DROSHA: variants seen among roughly 807,000 people sequenced by gnomAD.
DROSHA encodes the protein drosha ribonuclease III.
Under a neutral mutation model 181.9 loss-of-function variants are expected in DROSHA, and 56 were observed. That is an observed-to-expected ratio of 0.31 (90% CI 0.25 to 0.38). The LOEUF is 0.38. Among genes scored for constraint, DROSHA ranks in the 10% least tolerant of loss-of-function variants. The probability of loss-of-function intolerance (pLI) is 1.00; values close to 1 mark genes in which losing one functional copy is unlikely to be tolerated. For synonymous variants in DROSHA, 524 were observed against 591.2 expected, an observed-to-expected ratio of 0.89 and a Z score of 1.65; for missense variants, 1,218 against 1,743.5, an observed-to-expected ratio of 0.70 and a Z score of 5.37.
rs1739069624 is a variant in DROSHA at position 31,514,562 on chromosome 5, T to C, written c.1290+426A>G. 6.6e-6 allele frequency among the ~76,000 whole-genome samples: 1 copy of C among 152,114 alleles called. No individual in the cohort carries two copies. The highest frequency in any genetic ancestry group is 6.5e-5 in the Admixed American group (1 of 15,272). The stretch of plus-strand genomic sequence containing the variant: ...CAGGAGGCTGAAGTGGGAGAATCAC[T>C]TGAGCCTGGAAGATCAAGGCTGCAG... On this transcript the variant is annotated intron_variant, in intron 8 of 35. Transcript: ENST00000344624. The surrounding 1 kb of genome is among the most constrained non-coding windows in gnomAD (Gnocchi z 4.4).
At chr5:31,414,772 G>T (rs1416998131) in intron 30 of DROSHA, among the ~76,000 whole-genome samples, 1 of 152,122 alleles carries the variant, frequency 6.6e-6, no homozygotes, top group Non-Finnish European at 1.5e-5. Flanking sequence ...CTCTGAATTT[G>T]TTTTCAATGT....
At position 31,409,237 on chromosome 5, in the gene DROSHA, T is replaced by C. The variant is rs752710538; in HGVS notation, c.3750+13A>G. The C allele has an allele frequency of 7.5e-6, 12 of 1,599,776 alleles. No homozygotes were observed. The African/African-American group carries it at 1.5e-4, about 20-fold the overall frequency. ...TAAAGCAGACCACTAATTCAAACTTTATATGAGCTTACTTTCAATCGTGGA... is the reference window on the plus strand; with the variant it reads ...TAAAGCAGACCACTAATTCAAACTTCATATGAGCTTACTTTCAATCGTGGA... On this transcript the variant is annotated intron_variant, in intron 32 of 35. Coordinates refer to ENST00000344624, the MANE Select transcript of DROSHA (RefSeq NM_001382508.1). This position sits in a 1 kb window ranked among gnomAD's most constrained non-coding sequence, Gnocchi z 4.0.
intron 13 of DROSHA, among the ~76,000 whole-genome samples, chr5:31,491,185 T>TAA (rs11301107): frequency 0.26 from 36,743 of 140,046 alleles, 4,737 homozygotes; most frequent in East Asian, 0.35. Context: ...TGTCCAAGGT[T>TAA]AAAAAAAAAA....
In DROSHA at chr5:31,409,773, T is replaced by C. The variant is rs983554056; in HGVS notation, c.3668-441A>G. Among the ~76,000 whole-genome samples, 2 of 152,134 alleles carry C rather than the reference T, an allele frequency of 1.3e-5. No homozygotes were observed. The highest frequency in any genetic ancestry group is 4.8e-5 in the African/African-American group (2 of 41,426). On this transcript the variant is annotated intron_variant, in intron 31 of 35. Transcript: ENST00000344624. This position sits in a 1 kb window ranked among gnomAD's most constrained non-coding sequence, Gnocchi z 4.0. The stretch of plus-strand genomic sequence containing the variant: ...TTTAAGGATTCTATGTTAAATTTAA[T>C]GAACAGAAATGGGGTAATTTATAGA...
At chr5:31,450,742 A>G (rs1240599140) in intron 21 of DROSHA, among the ~76,000 whole-genome samples, 3 of 152,152 alleles carry the variant, frequency 2.0e-5, no homozygotes, top group Non-Finnish European at 2.9e-5. Flanking sequence ...TACACTACTC[A>G]GGTGACAGGT....
chr5:31,452,768 T>A (rs1747176485), intron 20 of DROSHA, among the ~76,000 whole-genome samples: 1 of 152,212 alleles, frequency 6.6e-6, no homozygotes, highest in Non-Finnish European at 1.5e-5. Context: ...GCCAGTTCAA[T>A]TCAGTAAGTA....
At chr5:31,414,421 C>T (rs1225875394) in intron 30 of DROSHA, among the ~76,000 whole-genome samples, 4 of 152,064 alleles carry the variant, frequency 2.6e-5, no homozygotes, top group African/African-American at 7.3e-5. Context: ...CAAACAATGC[C>T]TCGTGTTAGA....
intron 6 of DROSHA, 112 bp downstream of exon 6, chr5:31,521,011 T>C: frequency 1.0e-6 from 1 of 1,004,696 alleles, no homozygotes; most frequent in Non-Finnish European, 1.5e-6. Flanking sequence ...CAGGTCATCT[T>C]GGACAGACTC....
Position 31,515,527 on chromosome 5 carries a change from A to T in DROSHA, c.985T>A (p.Cys329Ser), listed in dbSNP as rs1313737794. The T allele has an allele frequency of 6.5e-7, 1 of 1,544,554 alleles. No individual in the cohort carries two copies. The highest frequency in any genetic ancestry group is 8.8e-7 in the Non-Finnish European group (1 of 1,140,394). Reference sequence around the variant, plus strand: ...ATCTCCCCAGGTAATTCTGGTGTGCATCCAGCAGGTTCAGGAACAACCGAT... The same window carrying T: ...ATCTCCCCAGGTAATTCTGGTGTGCTTCCAGCAGGTTCAGGAACAACCGAT... ...GLSVVPEPAG[C>S]TPELPGEIIK... is the part of the protein sequence containing the mutation. Residue 329 changes from cysteine (C) to serine (S), a missense_variant, in exon 7 of 36, where the codon TGC (cysteine) becomes AGC (serine). Cys to Ser is a moderately radical substitution (Grantham distance 112). Coordinates refer to ENST00000344624, the MANE Select transcript of DROSHA (RefSeq NM_001382508.1).
At chr5:31,401,879 T>C (rs915657057) in intron 35 of DROSHA, among the ~76,000 whole-genome samples, 1 of 152,112 alleles carries the variant, frequency 6.6e-6, no homozygotes, top group Non-Finnish European at 1.5e-5. Flanking sequence ...AGCAGGTGCT[T>C]TAGCATCACT....
At chr5:31,486,666 G>GCTT (rs1751803035) in intron 13 of DROSHA, 104 bp from the exon 14 acceptor site, 1 of 887,272 alleles carries the variant, frequency 1.1e-6, no homozygotes, top group African/African-American at 1.7e-5. Context: ...AAATGAGAAG[G>GCTT]CTTCACCTTC....
At chr5:31,491,512 T>C (rs927286614) in intron 13 of DROSHA, among the ~76,000 whole-genome samples, 1 of 152,174 alleles carries the variant, frequency 6.6e-6, no homozygotes, top group African/African-American at 2.4e-5. Flanking sequence ...TGTATATTAC[T>C]TCTAGGGAAT....
At chr5:31,468,619 T>C (rs1158689662) in intron 17 of DROSHA, among the ~76,000 whole-genome samples, 3 of 152,238 alleles carry the variant, frequency 2.0e-5, no homozygotes, top group Non-Finnish European at 4.4e-5. Context: ...GCCTCATATT[T>C]TTTTCTTCAT....
chr5:31,525,482 C>A (rs1488234366), intron 5 of DROSHA, among the ~76,000 whole-genome samples: 3 of 107,644 alleles, frequency 2.8e-5, no homozygotes, highest in African/African-American at 1.1e-4. Flanking sequence ...CCTGCCTGGG[C>A]AACATAGCGA....
chr5:31,438,808 G>A (rs760073352), intron 23 of DROSHA, among the ~76,000 whole-genome samples: 3 of 151,986 alleles, frequency 2.0e-5, no homozygotes, highest in African/African-American at 4.8e-5. Flanking sequence ...TCCCAGGAAC[G>A]AACCCAGGGA....
At chr5:31,500,487 A>G (rs1477961850) in intron 11 of DROSHA, among the ~76,000 whole-genome samples, 1 of 152,236 alleles carries the variant, frequency 6.6e-6, no homozygotes, top group African/African-American at 2.4e-5. Flanking sequence ...CAAAGCTGAA[A>G]TACCGGAATT....
At chr5:31,420,674 GC>G (rs1290120148) in intron 30 of DROSHA, among the ~76,000 whole-genome samples, 1 of 151,984 alleles carries the variant, frequency 6.6e-6, no homozygotes, top group African/African-American at 2.4e-5. Context: ...TGTGTGTACT[GC>G]CCTTGCATAG....
chr5:31,474,177 CAA>C (rs1277714815), intron 16 of DROSHA, among the ~76,000 whole-genome samples: 2 of 152,270 alleles, frequency 1.3e-5, no homozygotes, highest in South Asian at 4.1e-4. Flanking sequence ...CAAGAAGTGA[CAA>C]AGTCACAAAA....
intron 20 of DROSHA, among the ~76,000 whole-genome samples, chr5:31,458,409 T>C (rs2150020623): frequency 6.6e-6 from 1 of 152,350 alleles, no homozygotes; most frequent in African/African-American, 2.4e-5. Flanking sequence ...TCCCACAGGA[T>C]CTTCATCTCA....
Sources: gnomAD v4.1 joint callset for allele counts (sites outside exome capture counted in the v4.1 genomes callset) on GRCh38, gnomAD v4.1.1 for gene constraint, Gnocchi (gnomAD v3.1) non-coding constraint, MANE v1.5 for transcripts, NCBI Gene and HGNC (gene_info 2026-07-23, HGNC 2026-07-21) for gene names.